Variants in TMPRSS15 observed in about 807,000 individuals in gnomAD.
TMPRSS15 encodes enteropeptidase.
Under a neutral mutation model 125.3 loss-of-function variants are expected in TMPRSS15, and 128 were observed. The ratio of observed to expected loss-of-function variants is 1.02; its 90% CI spans 0.89 to 1.18. The LOEUF (loss-of-function observed/expected upper bound fraction) is 1.18. Among genes scored for constraint, TMPRSS15 ranks in the 50% most tolerant of loss-of-function variants. The pLI, the probability that TMPRSS15 is intolerant of heterozygous loss-of-function variation, is 0.00. For synonymous variants in TMPRSS15, 446 were observed against 423.2 expected (o/e 1.05, Z -0.66); for missense variants, 1,283 against 1,212.7 (o/e 1.06, Z -0.86).
intron 14 of TMPRSS15, among the ~76,000 whole-genome samples, chr21:18,331,113 A>AGAT (rs2075341483): frequency 6.6e-6 from 1 of 151,572 alleles, no homozygotes; most frequent in African/African-American, 2.4e-5. Flanking sequence ...TGTGAAGCAG[A>AGAT]GATAACTCTG....
chr21:18,402,876 A>T (rs768547520), intron 1 of TMPRSS15, among the ~76,000 whole-genome samples: 2 of 152,172 alleles, frequency 1.3e-5, no homozygotes, highest in Non-Finnish European at 2.9e-5. Context: ...GGTATTTTAA[A>T]AGCTGTTGGT....
intron 16 of TMPRSS15, 96 bp from the exon 17 acceptor site, chr21:18,315,352 C>T: frequency 9.9e-7 from 1 of 1,013,302 alleles, no homozygotes. Context: ...AACATGAGTC[C>T]TTTGCCACAG....
chr21:18,477,113 G>A (rs374593493), intron 1 of TMPRSS15, among the ~76,000 whole-genome samples: 1 of 152,126 alleles, frequency 6.6e-6, no homozygotes, highest in East Asian at 1.9e-4. Flanking sequence ...CTTGACCAGT[G>A]GCTCTTAAAG....
rs772263269 is a variant in TMPRSS15 at position 18,344,102 on chromosome 21, C to T, written c.1172-42G>A. ...AAAAATTTATTTCACTTAAATATTG[C>T]ATTTTCATTGTGTGACAAGTAGACT... On this transcript the variant is annotated intron_variant, in intron 10 of 24. Coordinates refer to ENST00000284885, the MANE Select transcript of TMPRSS15 (RefSeq NM_002772.3). 2.7e-6 allele frequency: 4 copies of T among 1,499,478 alleles called. No individual in the cohort carries two copies. The South Asian group carries it at 3.4e-5, about 13-fold the overall frequency. 92.9% of individuals were successfully genotyped at this position (1,499,478 alleles called of 1,614,324 possible). A position where few individuals can be genotyped will look rare whatever the true frequency, so the allele number is the denominator to read the frequency against.
intron 1 of TMPRSS15, among the ~76,000 whole-genome samples, chr21:18,412,284 T>G (rs1356106879): frequency 6.6e-6 from 1 of 152,196 alleles, no homozygotes; most frequent in Non-Finnish European, 1.5e-5. Context: ...TTATCTAATT[T>G]CCCTGCTATC....
chr21:18,353,086 T>A (rs760440844), intron 9 of TMPRSS15, 34 bp from the exon 10 acceptor site: 11 of 1,588,058 alleles, frequency 6.9e-6, no homozygotes, highest in South Asian at 5.6e-5. Flanking sequence ...ATAAAAAAAA[T>A]TTAGTCCATA....
intron 1 of TMPRSS15, among the ~76,000 whole-genome samples, chr21:18,429,989 T>C (rs913944370): frequency 6.6e-6 from 1 of 152,182 alleles, no homozygotes; most frequent in Non-Finnish European, 1.5e-5. Flanking sequence ...TGAATCCAAG[T>C]AGTTAAAAAT....
chr21:18,322,681 T>C (rs571882421), intron 16 of TMPRSS15, among the ~76,000 whole-genome samples: 11 of 152,232 alleles, frequency 7.2e-5, no homozygotes, highest in Admixed American at 3.3e-4. Flanking sequence ...TTAATTGATT[T>C]CATGAAGATA....
chr21:18,429,148 C>G (rs1480561810), intron 1 of TMPRSS15, among the ~76,000 whole-genome samples: 1 of 152,132 alleles, frequency 6.6e-6, no homozygotes, highest in Non-Finnish European at 1.5e-5. Context: ...CATGGGCCCC[C>G]TAACCACTTT....
chr21:18,396,010 G>A (rs956501137), intron 3 of TMPRSS15, among the ~76,000 whole-genome samples: 3 of 152,140 alleles, frequency 2.0e-5, no homozygotes, highest in African/African-American at 7.2e-5. Context: ...TGCAGCAGCT[G>A]CTTAAAAACT....
intron 1 of TMPRSS15, among the ~76,000 whole-genome samples, chr21:18,419,256 C>G (rs1353134923): frequency 2.3e-5 from 3 of 132,712 alleles, no homozygotes; most frequent in Non-Finnish European, 4.6e-5. Context: ...GACGGAGTCT[C>G]GCTCTGTTAC....
chr21:18,325,606 C>A (rs2075280440), intron 16 of TMPRSS15, among the ~76,000 whole-genome samples: 1 of 152,004 alleles, frequency 6.6e-6, no homozygotes, highest in Admixed American at 6.6e-5. Flanking sequence ...ATAAATATTT[C>A]TCTTCCTATG....
In TMPRSS15 at chr21:18,420,977, A is replaced by G. The variant is rs564960831; in HGVS notation, c.11-22648T>C. On this transcript the variant is annotated intron_variant, in intron 1 of 7. Coordinates refer to the TMPRSS15 transcript ENST00000422787. ...ATCACTCTAGATTTATTAAATAAGG[A>G]TGTGCATTTTAAGATCTCCAGGTGA... 8.5e-5 allele frequency among the ~76,000 whole-genome samples: 13 copies of G among 152,310 alleles called. No homozygotes were observed. The South Asian group carries it at 2.5e-3, about 29-fold the overall frequency.
At chr21:18,471,735 T>C (rs527776600) in intron 1 of TMPRSS15, among the ~76,000 whole-genome samples, 40 of 152,196 alleles carry the variant, frequency 2.6e-4, no homozygotes, top group Admixed American at 1.7e-3. Flanking sequence ...GCCCATACCA[T>C]AGGCAAAATC....
intron 15 of TMPRSS15, 62 bp downstream of exon 15, chr21:18,329,107 C>T (rs2075319898): frequency 1.4e-6 from 2 of 1,433,204 alleles, no homozygotes; most frequent in Admixed American, 2.1e-5. Context: ...AAGAAACGCT[C>T]TTTCCATCAG....
At chr21:18,481,223 C>A (rs963469570) in intron 1 of TMPRSS15, among the ~76,000 whole-genome samples, 1 of 151,718 alleles carries the variant, frequency 6.6e-6, no homozygotes, top group Non-Finnish European at 1.5e-5. Flanking sequence ...ACAGGTACAC[C>A]GACTTCATCT....
chr21:18,328,425 G>T (rs981714511), intron 15 of TMPRSS15, among the ~76,000 whole-genome samples: 5 of 152,088 alleles, frequency 3.3e-5, no homozygotes, highest in African/African-American at 7.2e-5. Context: ...AATAAAAACT[G>T]ATTTAAGAGC....
chr21:18,364,823 T>C (rs1477642841), intron 7 of TMPRSS15, among the ~76,000 whole-genome samples: 3 of 152,184 alleles, frequency 2.0e-5, no homozygotes, highest in African/African-American at 7.2e-5. Flanking sequence ...GAAATTCTAC[T>C]TCTCACGATA....
At chr21:18,438,685 G>A (rs1601462986) in intron 1 of TMPRSS15, among the ~76,000 whole-genome samples, 1 of 152,028 alleles carries the variant, frequency 6.6e-6, no homozygotes, top group East Asian at 1.9e-4. Context: ...AGCTATACCT[G>A]GCCCTGAGTC....
Sources: allele counts gnomAD v4.1 joint callset (sites outside exome capture counted in the v4.1 genomes callset), GRCh38; gene constraint gnomAD v4.1.1; transcripts MANE v1.5; gene names NCBI Gene and HGNC (gene_info 2026-07-23, HGNC 2026-07-21).